The following PICALM variants were observed in gnomAD, a reference collection of about 807,000 sequenced individuals.
PICALM encodes the protein phosphatidylinositol binding clathrin assembly protein, also known as phosphatidylinositol-binding clathrin assembly protein.
PICALM carries 40 observed loss-of-function variants against 80.5 expected under a neutral mutation model. The ratio of observed to expected loss-of-function variants is 0.50; its 90% CI spans 0.39 to 0.65. The LOEUF is 0.65. Ranked by LOEUF, PICALM falls within the 30% of genes least tolerant of loss-of-function variation. The pLI, the probability that PICALM is intolerant of heterozygous loss-of-function variation, is 0.00. For missense variants in PICALM, 676 were observed against 778.9 expected (o/e 0.87, Z 1.57); for synonymous variants, 288 against 260.3 (o/e 1.11, Z -1.02).
chr11:86,003,745 C>T (rs554102773), intron 8 of PICALM: 39 of 206,314 alleles, frequency 1.9e-4, no homozygotes, highest in African/African-American at 7.8e-4. Flanking sequence ...TAAAACCATA[C>T]TCCTAAAAGC....
intron 1 of PICALM, among the ~76,000 whole-genome samples, chr11:86,040,453 G>A (rs1164355725): frequency 6.6e-6 from 1 of 151,930 alleles, no homozygotes; most frequent in Admixed American, 6.6e-5. Context: ...CCTTCTCCTC[G>A]GCCTCCCAAA....
At chr11:86,009,962 T>C (rs1383886043) in intron 7 of PICALM, among the ~76,000 whole-genome samples, 1 of 152,208 alleles carries the variant, frequency 6.6e-6, no homozygotes, top group Non-Finnish European at 1.5e-5. Context: ...TTGTTGATCA[T>C]CCTGTTCTGT....
intron 1 of PICALM, among the ~76,000 whole-genome samples, chr11:86,038,347 A>G (rs2095879768): frequency 6.6e-6 from 1 of 151,924 alleles, no homozygotes; most frequent in Non-Finnish European, 1.5e-5. Context: ...ACAAAACAAA[A>G]AAAGAATAAG....
chr11:85,981,793 C>T lies in PICALM; in HGVS notation c.1649-18G>A, dbSNP rs2094449774. On this transcript the variant is annotated intron_variant, in intron 15 of 19. Transcript: ENST00000393346. ...GCCAAGATCTAGGAAAGGAGAAAAA[C>T]AAAAAAGCATTTTATAACACGAGAC... is the stretch of plus-strand genomic sequence containing the variant. The T allele has an allele frequency of 1.9e-6, 3 of 1,612,726 alleles. No individual in the cohort carries two copies. In the African/African-American group the frequency reaches 4.0e-5, roughly 22 times the overall value.
chr11:85,982,806 C>T (rs1192561655), intron 14 of PICALM, among the ~76,000 whole-genome samples: 3 of 151,936 alleles, frequency 2.0e-5, no homozygotes, highest in Non-Finnish European at 4.4e-5. Context: ...TGTATAAGCC[C>T]ATCTAGTAAA....
rs145877070 is a variant in PICALM, at chr11:86,061,108, C to T, written c.130+7543G>A. Reference sequence around the variant, plus strand: ...CTTTGGGAGGCTGAAGCAGGCGGATCACCTGAGATGAGGAGTTCAAGACCA... The same window carrying T: ...CTTTGGGAGGCTGAAGCAGGCGGATTACCTGAGATGAGGAGTTCAAGACCA... On this transcript the variant is annotated intron_variant, in intron 1 of 19. Transcript: ENST00000393346. Among the ~76,000 whole-genome samples the T allele has an allele frequency of 3.4e-4, 51 of 152,232 alleles. No individual in the cohort carries two copies. The East Asian group carries it at 9.8e-3, about 29-fold the overall frequency.
At chr11:85,961,993 A>T (rs537330638) in intron 19 of PICALM, among the ~76,000 whole-genome samples, 1 of 152,346 alleles carries the variant, frequency 6.6e-6, no homozygotes, top group East Asian at 1.9e-4. Context: ...TATAGGCATC[A>T]GTTATACTCA....
intron 1 of PICALM, among the ~76,000 whole-genome samples, chr11:86,035,947 CAAAAAAAAAAA>C (rs543040504): frequency 9.0e-5 from 6 of 66,496 alleles, no homozygotes; most frequent in East Asian, 1.1e-3. Flanking sequence ...GACTCTGCCT[CAAAAAAAAAAA>C]AAAAAAAGAA....
chr11:86,002,617 T>C (rs993339228), intron 9 of PICALM, among the ~76,000 whole-genome samples: 6 of 152,204 alleles, frequency 3.9e-5, no homozygotes, highest in African/African-American at 7.2e-5. Context: ...TAGGCAGAGA[T>C]GATGCAATTT....
intron 19 of PICALM, among the ~76,000 whole-genome samples, chr11:85,972,224 A>G (rs2094134914): frequency 6.6e-6 from 1 of 152,228 alleles, no homozygotes; most frequent in South Asian, 2.1e-4. Flanking sequence ...CAACTATAGT[A>G]GTTACATCCT....
chr11:86,057,859 C>A (rs2096293635), intron 1 of PICALM, among the ~76,000 whole-genome samples: 1 of 152,260 alleles, frequency 6.6e-6, no homozygotes, highest in East Asian at 1.9e-4. Flanking sequence ...CATTTTACAT[C>A]AGGGATTTGA....
At position 86,068,785 on chromosome 11, in the gene PICALM, G is replaced by T; in HGVS notation, c.-5C>A. The T allele has an allele frequency of 6.2e-7, 1 of 1,603,486 alleles. No individual in the cohort carries two copies. On this transcript the variant is annotated 5_prime_UTR_variant, in exon 1 of 20. Coordinates refer to ENST00000393346, the MANE Select transcript of PICALM (RefSeq NM_007166.4). The stretch of plus-strand genomic sequence containing the variant: ...CGTCAGGCTCTGGCCGGACATCTCT[G>T]CAGCTCCTCCACCACCCCACCCGCT...
Position 85,979,019 on chromosome 11 carries a change from A to C in PICALM, c.1779+2110T>G, listed in dbSNP as rs531690155. On this transcript the variant is annotated intron_variant, in intron 17 of 19. Coordinates refer to ENST00000393346, the MANE Select transcript of PICALM (RefSeq NM_007166.4). ...GGAAGAAGACTGGATTCAGAGTCAA[A>C]GAGATGGATTTCAACTTAAATCTGC... is the stretch of plus-strand genomic sequence containing the variant. Among the ~76,000 whole-genome samples, 5 of 152,294 alleles carry C rather than the reference A, an allele frequency of 3.3e-5. No homozygotes were observed. The East Asian group carries it at 9.6e-4, about 29-fold the overall frequency.
At chr11:85,973,631 G>T (rs2135531714) in intron 19 of PICALM, among the ~76,000 whole-genome samples, 1 of 152,114 alleles carries the variant, frequency 6.6e-6, no homozygotes, top group East Asian at 1.9e-4. Context: ...GTGGGTCTTG[G>T]AACATATCCC....
At chr11:86,044,244 G>A (rs533588810) in intron 1 of PICALM, among the ~76,000 whole-genome samples, 2 of 152,250 alleles carry the variant, frequency 1.3e-5, no homozygotes, top group African/African-American at 4.8e-5. Flanking sequence ...CTAGGAAGGA[G>A]CCCCACATAA....
intron 1 of PICALM, among the ~76,000 whole-genome samples, chr11:86,049,360 AACTTAT>A (rs2096136711): frequency 6.6e-6 from 1 of 152,190 alleles, no homozygotes; most frequent in Non-Finnish European, 1.5e-5. Context: ...CTATCCAGTT[AACTTAT>A]TTTATCTTTG....
intron 19 of PICALM, among the ~76,000 whole-genome samples, chr11:85,972,322 G>A (rs1057018355): frequency 7.9e-5 from 12 of 152,118 alleles, no homozygotes; most frequent in African/African-American, 2.7e-4. Context: ...TGGTGCTACC[G>A]TATTGGCCAG....
chr11:86,019,862 AAC>A (rs1196494088), intron 4 of PICALM, among the ~76,000 whole-genome samples: 4 of 152,224 alleles, frequency 2.6e-5, no homozygotes, highest in African/African-American at 9.6e-5. Flanking sequence ...AATCTAAAGG[AAC>A]ACATCAATTG....
intron 11 of PICALM, 121 bp from the exon 12 acceptor site, chr11:85,997,050 T>C: frequency 8.7e-6 from 5 of 571,676 alleles, no homozygotes; most frequent in South Asian, 2.4e-5. Flanking sequence ...CTCATTAATA[T>C]AAATCTCAAA....
Sources: gnomAD v4.1 joint callset for allele counts (sites outside exome capture counted in the v4.1 genomes callset) on GRCh38, gnomAD v4.1.1 for gene constraint, MANE v1.5 for transcripts, NCBI Gene and HGNC (gene_info 2026-07-23, HGNC 2026-07-21) for gene names.